Variants in PDE4D observed in about 807,000 individuals in gnomAD.
PDE4D encodes the protein phosphodiesterase 4D.
A neutral mutation model predicts 87.4 loss-of-function variants in PDE4D; 24 were observed. The ratio of observed to expected loss-of-function variants is 0.27; its 90% confidence interval spans 0.20 to 0.39. The LOEUF (loss-of-function observed/expected upper bound fraction) is 0.39, where lower values mean the gene tolerates loss of function less well. Among genes scored for constraint, PDE4D ranks in the 10% least tolerant of loss-of-function variants. The pLI is 1.00. For synonymous variants in PDE4D, 384 were observed against 383.2 expected (o/e 1.00, Z -0.02); for missense variants, 714 against 1,041.0 (o/e 0.69, Z 4.32).
intron 1 of PDE4D, among the ~76,000 whole-genome samples, chr5:59,304,070 C>A (rs189591052): frequency 2.4e-4 from 37 of 152,194 alleles, no homozygotes; most frequent in African/African-American, 8.2e-4. Flanking sequence ...TTCCTTTCAG[C>A]AGTGTTTTGT....
intron 4 of PDE4D, among the ~76,000 whole-genome samples, chr5:59,183,694 G>A (rs887763654): frequency 6.6e-6 from 1 of 152,158 alleles, no homozygotes; most frequent in Admixed American, 6.5e-5. Context: ...CAAGGGGGCC[G>A]CTGAGGTCAG....
intron 1 of PDE4D, among the ~76,000 whole-genome samples, chr5:59,407,612 T>C (rs1476660544): frequency 1.3e-5 from 2 of 152,210 alleles, no homozygotes; most frequent in African/African-American, 2.4e-5. Context: ...ACTGATTAAA[T>C]GGTCATGACC....
chr5:60,400,029 G>C (rs1740915131), intron 1 of PDE4D, among the ~76,000 whole-genome samples: 1 of 152,180 alleles, frequency 6.6e-6, no homozygotes, highest in Non-Finnish European at 1.5e-5. Context: ...GGCCATATCA[G>C]GACCCCTCAC....
intron 1 of PDE4D, among the ~76,000 whole-genome samples, chr5:59,784,085 C>G (rs567229927): frequency 6.6e-6 from 1 of 152,072 alleles, no homozygotes; most frequent in East Asian, 1.9e-4. Context: ...ATAAAACCAG[C>G]CAACTTGTCT....
intron 1 of PDE4D, among the ~76,000 whole-genome samples, chr5:59,709,549 T>C (rs1753911521): frequency 1.3e-5 from 2 of 152,200 alleles, no homozygotes; most frequent in African/African-American, 4.8e-5. Context: ...CAGATGAAGC[T>C]GCTCTTTAGT....
At chr5:59,865,481 C>T (rs1046830703) in intron 1 of PDE4D, among the ~76,000 whole-genome samples, 1 of 152,188 alleles carries the variant, frequency 6.6e-6, no homozygotes, top group African/African-American at 2.4e-5. Context: ...CCCACTGCCA[C>T]AGCCTTTTGT....
At chr5:59,073,659 A>G (rs1378593970) in intron 5 of PDE4D, among the ~76,000 whole-genome samples, 1 of 152,130 alleles carries the variant, frequency 6.6e-6, no homozygotes, top group African/African-American at 2.4e-5. Flanking sequence ...TTGGTGCTTC[A>G]AGGGAGATCA....
intron 1 of PDE4D, among the ~76,000 whole-genome samples, chr5:59,645,338 C>T (rs1450038889): frequency 6.6e-6 from 1 of 152,124 alleles, no homozygotes; most frequent in Non-Finnish European, 1.5e-5. Context: ...TGCTCCTTTG[C>T]TTTTAGAATT....
Position 59,065,464 on chromosome 5 carries a change from G to A in PDE4D, c.809-26493C>T, listed in dbSNP as rs117785110. Among the ~76,000 whole-genome samples the A allele has an allele frequency of 4.9e-4, 75 of 152,118 alleles. 1 individual carries two copies. In the East Asian group the frequency reaches 5.4e-3, roughly 11 times the overall value. ...GTATACTTAGAAATTTGGTAAAAGG[G>A]TAGCTGTTATATTAAGTGTCCTTAC... On this transcript the variant is annotated intron_variant, in intron 5 of 14. Transcript: ENST00000340635.
At chr5:60,064,635 G>T (rs902889885) in intron 2 of PDE4D, among the ~76,000 whole-genome samples, 5 of 152,116 alleles carry the variant, frequency 3.3e-5, no homozygotes, top group Admixed American at 3.3e-4. Flanking sequence ...TGAACAGCTA[G>T]AAATATGCCA....
At chr5:59,357,880 G>A (rs745976330) in intron 1 of PDE4D, among the ~76,000 whole-genome samples, 3 of 152,064 alleles carry the variant, frequency 2.0e-5, no homozygotes, top group Non-Finnish European at 2.9e-5. Flanking sequence ...ACACTGCCCC[G>A]CGGGTGACCT....
intron 2 of PDE4D, among the ~76,000 whole-genome samples, chr5:60,141,197 C>T (rs760604707): frequency 2.6e-5 from 4 of 152,126 alleles, no homozygotes; most frequent in Non-Finnish European, 4.4e-5. Flanking sequence ...TCAGAGACAA[C>T]CTGTTCTTCC....
At chr5:59,391,272 T>A (rs1788182188) in intron 1 of PDE4D, among the ~76,000 whole-genome samples, 1 of 152,162 alleles carries the variant, frequency 6.6e-6, no homozygotes, top group Admixed American at 6.6e-5. Flanking sequence ...CTAGGGGACT[T>A]CATTTGAATA....
chr5:59,711,434 A>G (rs1468552871), intron 1 of PDE4D, among the ~76,000 whole-genome samples: 2 of 152,154 alleles, frequency 1.3e-5, no homozygotes, highest in African/African-American at 4.8e-5. Context: ...TTATCTAGCC[A>G]GGCTGTAAAT....
intron 1 of PDE4D, among the ~76,000 whole-genome samples, chr5:60,245,968 G>T (rs1023717671): frequency 6.6e-6 from 1 of 151,804 alleles, no homozygotes; most frequent in Non-Finnish European, 1.5e-5. Context: ...AATGCTTGAG[G>T]TGACAGACAC....
chr5:59,942,577 T>G (rs544548392), intron 3 of PDE4D, among the ~76,000 whole-genome samples: 1 of 152,148 alleles, frequency 6.6e-6, no homozygotes, highest in South Asian at 2.1e-4. Context: ...GAGAGAATAG[T>G]GTCAGAGGAG....
chr5:59,288,865 A>G (rs1275003405), intron 1 of PDE4D, among the ~76,000 whole-genome samples: 1 of 152,130 alleles, frequency 6.6e-6, no homozygotes, highest in Non-Finnish European at 1.5e-5. Context: ...CCAAACATGG[A>G]GAAATCAAGA....
At chr5:59,151,888 A>G (rs1779532505) in intron 5 of PDE4D, among the ~76,000 whole-genome samples, 1 of 152,140 alleles carries the variant, frequency 6.6e-6, no homozygotes, top group Non-Finnish European at 1.5e-5. Flanking sequence ...GGGAAACAAG[A>G]CAAATAAGGG....
At chr5:59,060,984 T>C (rs1353257896) in intron 5 of PDE4D, among the ~76,000 whole-genome samples, 1 of 152,140 alleles carries the variant, frequency 6.6e-6, no homozygotes, top group Non-Finnish European at 1.5e-5. Flanking sequence ...CTCTCCTTCC[T>C]ACAGGCACTG....
Sources: allele counts gnomAD v4.1 joint callset (sites outside exome capture counted in the v4.1 genomes callset), GRCh38; gene constraint gnomAD v4.1.1; transcripts MANE v1.5; gene names NCBI Gene and HGNC (gene_info 2026-07-23, HGNC 2026-07-21).